GALNT3: variants seen among roughly 807,000 people sequenced by gnomAD.
GALNT3 encodes polypeptide N-acetylgalactosaminyltransferase 3.
GALNT3 carries 51 observed loss-of-function variants against 69.8 expected under a neutral mutation model. That is an observed-to-expected ratio of 0.73 (90% CI 0.58 to 0.92). The LOEUF (loss-of-function observed/expected upper bound fraction) is 0.92, where lower values mean the gene tolerates loss of function less well. Among genes scored for constraint, GALNT3 ranks in the 40% least tolerant of loss-of-function variants. The pLI, the probability that GALNT3 is intolerant of heterozygous loss-of-function variation, is 0.00. For synonymous variants in GALNT3, 265 were observed against 248.5 expected, an observed-to-expected ratio of 1.07 and a Z score of -0.63; for missense variants, 711 against 760.0, an observed-to-expected ratio of 0.94 and a Z score of 0.76.
At chr2:165,790,025 A>C (rs1292489580) in intron 1 of GALNT3, among the ~76,000 whole-genome samples, 4 of 152,166 alleles carry the variant, frequency 2.6e-5, no homozygotes, top group Non-Finnish European at 4.4e-5. Flanking sequence ...GAATACAGAG[A>C]GTGAGCAGGT....
rs1442113979 is a variant in GALNT3 at position 165,765,065 on chromosome 2, A to T, written c.516-9T>A. 1 of 1,611,334 alleles carries T rather than the reference A, an allele frequency of 6.2e-7. No homozygotes were observed. Among genetic ancestry groups the T allele is most frequent in the Non-Finnish European group, 8.5e-7 (1 of 1,177,618 alleles). On this transcript the variant is annotated splice_polypyrimidine_tract_variant and intron_variant, in intron 2 of 10. Coordinates refer to ENST00000392701, the MANE Select transcript of GALNT3 (RefSeq NM_004482.4). ...ATTTTTGTTCAATACATCTAGAAGA[A>T]GTCAGAGAAGTAGAAAAACAATTAC...
Position 165,749,949 on chromosome 2 carries a change from A to G in GALNT3, c.1627-55T>C, listed in dbSNP as rs1688328532. 3.5e-6 allele frequency: 5 copies of G among 1,419,006 alleles called. No individual in the cohort carries two copies. The South Asian group carries it at 4.6e-5, about 13-fold the overall frequency. 87.9% of individuals were successfully genotyped at this position (1,419,006 alleles called of 1,614,324 possible). ...AAAGCAACCCATGTGCTCAGTTGCAAAATAAATAAATAAATCAGCAACTCG... is the reference window on the plus strand; with the variant it reads ...AAAGCAACCCATGTGCTCAGTTGCAGAATAAATAAATAAATCAGCAACTCG... On this transcript the variant is annotated intron_variant, in intron 9 of 10. Coordinates refer to ENST00000392701, the MANE Select transcript of GALNT3 (RefSeq NM_004482.4).
At chr2:165,759,845 T>C (rs1399541533) in intron 4 of GALNT3, among the ~76,000 whole-genome samples, 3 of 152,284 alleles carry the variant, frequency 2.0e-5, no homozygotes, top group Middle Eastern at 3.4e-3. Context: ...CCTTATCGGC[T>C]TATGGAGCGG....
At chr2:165,767,316 A>G (rs924002514) in intron 2 of GALNT3, among the ~76,000 whole-genome samples, 1 of 151,920 alleles carries the variant, frequency 6.6e-6, no homozygotes, top group African/African-American at 2.4e-5. Flanking sequence ...TTTTGAGGAG[A>G]AAGTGAAATT....
chr2:165,786,140 A>G (rs770544192), intron 1 of GALNT3, among the ~76,000 whole-genome samples: 3 of 152,230 alleles, frequency 2.0e-5, no homozygotes, highest in Admixed American at 6.5e-5. Flanking sequence ...GAAAGAGCTA[A>G]ATATTTATCT....
At chr2:165,767,790 T>C (rs561953901) in intron 2 of GALNT3, among the ~76,000 whole-genome samples, 6 of 151,844 alleles carry the variant, frequency 4.0e-5, no homozygotes, top group African/African-American at 1.5e-4. Flanking sequence ...ATATTTCTAA[T>C]GAGCATGGAA....
At chr2:165,776,582 A>G (rs995418882) in intron 1 of GALNT3, among the ~76,000 whole-genome samples, 7 of 152,176 alleles carry the variant, frequency 4.6e-5, no homozygotes, top group African/African-American at 1.7e-4. Context: ...GAGATCTTCT[A>G]AATTCTAAAT....
At chr2:165,763,670 C>G (rs1001215705) in intron 3 of GALNT3, among the ~76,000 whole-genome samples, 5 of 152,096 alleles carry the variant, frequency 3.3e-5, no homozygotes, top group African/African-American at 7.2e-5. Flanking sequence ...GGAGTTACTA[C>G]AGATTGCTTC....
chr2:165,755,162 A>T (rs2105403410), intron 7 of GALNT3, 99 bp from the exon 8 acceptor site: 1 of 1,169,412 alleles, frequency 8.6e-7, no homozygotes, highest in East Asian at 2.5e-5. Context: ...GTATTTTTAA[A>T]AATCCATGCT....
intron 1 of GALNT3, among the ~76,000 whole-genome samples, chr2:165,782,240 T>C (rs1032398607): frequency 1.3e-5 from 2 of 152,122 alleles, no homozygotes; most frequent in Non-Finnish European, 2.9e-5. Context: ...TCTACTCAGC[T>C]CTCCTATCAC....
Position 165,758,737 on chromosome 2 carries a change from A to T in GALNT3, c.1191+10T>A. 6.8e-7 allele frequency: 1 copy of T among 1,461,728 alleles called. No homozygotes were observed. The highest frequency in any genetic ancestry group is 9.6e-7 in the Non-Finnish European group (1 of 1,041,458). 90.5% of individuals were successfully genotyped at this position (1,461,728 alleles called of 1,614,324 possible). A position where few individuals can be genotyped will look rare whatever the true frequency, so the allele number is the denominator to read the frequency against. On this transcript the variant is annotated intron_variant, in intron 6 of 10. Coordinates refer to ENST00000392701, the MANE Select transcript of GALNT3 (RefSeq NM_004482.4). ...AATATATCTGCTATATTTAATTTCC[A>T]TAAACTTACTCTGAAAGACATTTCT... is the stretch of plus-strand genomic sequence containing the variant.
intron 1 of GALNT3, among the ~76,000 whole-genome samples, chr2:165,789,178 C>A (rs1362382455): frequency 6.6e-6 from 1 of 152,142 alleles, no homozygotes; most frequent in African/African-American, 2.4e-5. Flanking sequence ...CACAAATATA[C>A]CACTCACAGC....
chr2:165,770,834 T>C, intron 1 of GALNT3, 26 bp from the exon 2 acceptor site: 10 of 945,714 alleles, frequency 1.1e-5, no homozygotes, highest in Non-Finnish European at 1.6e-5. Flanking sequence ...ATCGATGGTA[T>C]TAGTAGCTAT....
intron 1 of GALNT3, 131 bp downstream of exon 1, chr2:165,793,884 T>G (rs1290436705): frequency 6.6e-6 from 1 of 151,292 alleles, no homozygotes; most frequent in Admixed American, 6.6e-5. Flanking sequence ...CACACTGCTC[T>G]CGAGACCGTC....
In GALNT3 at chr2:165,762,053, C is replaced by A. The variant is rs758369237; in HGVS notation, c.690G>T (p.Glu230Asp). ...IILVDDASVD[E>D]YLHDKLDEYV... ...ATTCATCTAGTTTATCATGTAAGTA[C>A]TCTGTAAGGAAAAAAAATCAGGGTT... Residue 230 changes from glutamate to aspartate, a missense_variant and splice_region_variant, in exon 4 of 11, where the codon GAG becomes GAT. By Grantham distance (45) the Glu-to-Asp change is conservative. Coordinates refer to ENST00000392701, the MANE Select transcript of GALNT3 (RefSeq NM_004482.4). The A allele has an allele frequency of 2.0e-6, 3 of 1,536,858 alleles. No homozygotes were observed. In the Admixed American group the frequency reaches 5.0e-5, roughly 26 times the overall value.
Position 165,755,076 on chromosome 2 carries a change from G to T in GALNT3, c.1393-13C>A. 1 of 1,606,086 alleles carries T rather than the reference G, an allele frequency of 6.2e-7. No homozygotes were observed. Among genetic ancestry groups the T allele is most frequent in the Non-Finnish European group, 8.5e-7 (1 of 1,173,160 alleles). ...CACCAAATGCTTTCTGTAGAAACAT[G>T]AGAAATGAAGGGAATGCTTAATTAA... On this transcript the variant is annotated splice_polypyrimidine_tract_variant and intron_variant, in intron 7 of 10. Transcript: ENST00000392701.
rs768572593 is a variant in GALNT3 at position 165,755,093 on chromosome 2, C to T, written c.1393-30G>A. On this transcript the variant is annotated intron_variant, in intron 7 of 10. Transcript: ENST00000392701. ...AGAAACATGAGAAATGAAGGGAATG[C>T]TTAATTAAAACAACATTGATAAAGC... 8.8e-6 allele frequency: 14 copies of T among 1,590,546 alleles called. No individual in the cohort carries two copies. The East Asian group carries it at 2.5e-4, about 28-fold the overall frequency.
In GALNT3 at chr2:165,757,264, T is replaced by G. The variant is rs751626865; in HGVS notation, c.1192-17A>C. On this transcript the variant is annotated splice_polypyrimidine_tract_variant and intron_variant, in intron 6 of 10. Coordinates refer to ENST00000392701, the MANE Select transcript of GALNT3 (RefSeq NM_004482.4). ...TTGCCATACCTGATAATTAATGATA[T>G]TTGTTTAAATTTACAGTATTTTAGA... is the stretch of plus-strand genomic sequence containing the variant. 126 of 1,608,828 alleles carry G rather than the reference T, an allele frequency of 7.8e-5. No homozygotes were observed. The highest frequency in any genetic ancestry group is 1.0e-4 in the Non-Finnish European group (117 of 1,175,492).
In GALNT3 at chr2:165,748,878, A is replaced by G. The variant is rs767196098; in HGVS notation, c.1805T>C (p.Leu602Ser). ...TCCATTTGCTGAAAGGCACATTTTT[A>G]AGAATGGATTGTATAGAAGTTGATC... ...QKDQLLYNPF[L>S]KMCLSANGEH... The change falls in exon 11 of 11, where the codon TTA becomes TCA. Residue 602 changes from leucine (L) to serine (S), a missense_variant. Physicochemically the swap from Leu to Ser is moderately radical, Grantham distance 145 (BLOSUM62 -2). Transcript: ENST00000392701. 1 of 1,610,764 alleles carries G rather than the reference A, an allele frequency of 6.2e-7. No homozygotes were observed. The highest frequency in any genetic ancestry group is 2.2e-5 in the East Asian group (1 of 44,772).
Sources: gnomAD v4.1 joint callset for allele counts (sites outside exome capture counted in the v4.1 genomes callset) on GRCh38, gnomAD v4.1.1 for gene constraint, MANE v1.5 for transcripts, NCBI Gene and HGNC (gene_info 2026-07-23, HGNC 2026-07-21) for gene names.